The following DOCK4 variants were observed in gnomAD, a reference collection of about 807,000 sequenced individuals.
The protein encoded by DOCK4 is dedicator of cytokinesis protein 4.
In DOCK4, 97 loss-of-function variants were observed where a neutral mutation model predicts 268.1. That is an observed-to-expected ratio of 0.36 (90% CI 0.31 to 0.43). The LOEUF is 0.43. Among genes scored for constraint, DOCK4 ranks in the 20% least tolerant of loss-of-function variants. DOCK4 has a pLI of 1.00. For synonymous variants in DOCK4, 954 were observed against 887.2 expected (o/e 1.08, Z -1.34); for missense variants, 2,145 against 2,455.7 (o/e 0.87, Z 2.67).
At position 111,832,960 on chromosome 7, in the gene DOCK4, T is replaced by C. The variant is rs1302893041; in HGVS notation, c.2835+1628A>G. Among the ~76,000 whole-genome samples, 10 of 152,374 alleles carry C rather than the reference T, an allele frequency of 6.6e-5. No individual in the cohort carries two copies. In the South Asian group the frequency reaches 1.2e-3, roughly 19 times the overall value. ...TACTGCTAACATGAATACCAAAGCA[T>C]AAAACTCAACACCTGGATAATTAGT... On this transcript the variant is annotated intron_variant, in intron 26 of 52. Coordinates refer to ENST00000428084, the MANE Select transcript of DOCK4 (RefSeq NM_001363540.2).
At chr7:112,015,634 A>G (rs1801749430) in intron 1 of DOCK4, among the ~76,000 whole-genome samples, 1 of 152,226 alleles carries the variant, frequency 6.6e-6, no homozygotes, top group Admixed American at 6.5e-5. Flanking sequence ...ATTCTTAAAT[A>G]AGCTTCAGCA....
intron 12 of DOCK4, among the ~76,000 whole-genome samples, chr7:111,931,992 T>C (rs1361170564): frequency 6.6e-6 from 1 of 152,198 alleles, no homozygotes; most frequent in Non-Finnish European, 1.5e-5. Context: ...TGTGGTTTGG[T>C]TTAACTGGAA....
intron 1 of DOCK4, among the ~76,000 whole-genome samples, chr7:112,167,750 C>T (rs139362644): frequency 6.6e-6 from 1 of 152,270 alleles, no homozygotes; most frequent in African/African-American, 2.4e-5. Context: ...TTAATCAGTA[C>T]ATGCCTTGAT....
chr7:111,780,256 T>C (rs935133561), intron 35 of DOCK4, among the ~76,000 whole-genome samples: 2 of 151,818 alleles, frequency 1.3e-5, no homozygotes, highest in Non-Finnish European at 2.9e-5. Context: ...AAATGCATCA[T>C]AAATTTTTTT....
chr7:112,160,923 G>GC (rs1049241915), intron 1 of DOCK4, among the ~76,000 whole-genome samples: 1 of 152,100 alleles, frequency 6.6e-6, no homozygotes, highest in Admixed American at 6.6e-5. Context: ...AGGACTCGAG[G>GC]CCCCCCATCA....
At chr7:111,748,708 A>ATGTG (rs1554580489) in intron 42 of DOCK4, among the ~76,000 whole-genome samples, 6 of 786 alleles carry the variant, frequency 7.6e-3, no homozygotes, top group African/African-American at 0.023. Flanking sequence ...ATATATATAC[A>ATGTG]TGTGTGTGTG....
At chr7:112,165,531 T>TGG (rs1817522299) in intron 1 of DOCK4, among the ~76,000 whole-genome samples, 2 of 58,060 alleles carry the variant, frequency 3.4e-5, no homozygotes, top group Admixed American at 1.4e-4. Flanking sequence ...TACGTGTGTG[T>TGG]GTGTGTGTGT....
intron 26 of DOCK4, among the ~76,000 whole-genome samples, chr7:111,833,568 G>GT (rs1803012686): frequency 4.6e-5 from 7 of 151,914 alleles, no homozygotes; most frequent in Admixed American, 4.6e-4. Flanking sequence ...AAGATTCAAT[G>GT]TAAGAATGAA....
At chr7:111,766,681 C>A (rs995102309) in intron 38 of DOCK4, among the ~76,000 whole-genome samples, 1 of 152,128 alleles carries the variant, frequency 6.6e-6, no homozygotes, top group Non-Finnish European at 1.5e-5. Context: ...TACAGATTTG[C>A]AGATTATGGG....
At chr7:112,100,050 T>C (rs1810532108) in intron 1 of DOCK4, among the ~76,000 whole-genome samples, 2 of 152,216 alleles carry the variant, frequency 1.3e-5, no homozygotes, top group South Asian at 4.1e-4. Context: ...CCATGAAATA[T>C]TTTAACAAAA....
intron 27 of DOCK4, among the ~76,000 whole-genome samples, chr7:111,814,290 T>C (rs1470469889): frequency 6.6e-6 from 1 of 152,164 alleles, no homozygotes; most frequent in Non-Finnish European, 1.5e-5. Flanking sequence ...CAACATGGAA[T>C]CTCTGTGGCC....
At chr7:111,990,065 GT>G (rs1263422731) in intron 5 of DOCK4, among the ~76,000 whole-genome samples, 1 of 152,056 alleles carries the variant, frequency 6.6e-6, no homozygotes, top group Non-Finnish European at 1.5e-5. Flanking sequence ...TTTTGTGCTT[GT>G]TTTTTTCATC....
chr7:111,835,304 T>A (rs1803152684), intron 25 of DOCK4, among the ~76,000 whole-genome samples: 1 of 152,202 alleles, frequency 6.6e-6, no homozygotes. Flanking sequence ...TGCCATATGT[T>A]GCATAATGTT....
intron 1 of DOCK4, among the ~76,000 whole-genome samples, chr7:112,081,564 G>A (rs1366805537): frequency 6.6e-6 from 1 of 152,050 alleles, no homozygotes; most frequent in African/African-American, 2.4e-5. Flanking sequence ...GATCCCAGGA[G>A]GAAAGTCACT....
At chr7:111,769,391 T>G in intron 37 of DOCK4, 138 bp downstream of exon 37, 3 of 1,059,712 alleles carry the variant, frequency 2.8e-6, no homozygotes, top group South Asian at 1.6e-5. Flanking sequence ...TTAACAAGCT[T>G]TTGGGTGTTT....
intron 13 of DOCK4, among the ~76,000 whole-genome samples, chr7:111,912,377 T>A (rs1196416628): frequency 6.6e-6 from 1 of 152,208 alleles, no homozygotes; most frequent in African/African-American, 2.4e-5. Flanking sequence ...CTACTTAGTA[T>A]GCTATTCGTC....
chr7:112,152,249 T>C (rs1005067122), intron 1 of DOCK4, among the ~76,000 whole-genome samples: 2 of 152,210 alleles, frequency 1.3e-5, no homozygotes, highest in Non-Finnish European at 2.9e-5. Context: ...AGTATTAGCA[T>C]TCAACTCATC....
At chr7:112,035,326 A>G (rs1803657231) in intron 1 of DOCK4, among the ~76,000 whole-genome samples, 1 of 151,638 alleles carries the variant, frequency 6.6e-6, no homozygotes, top group Non-Finnish European at 1.5e-5. Context: ...CAAAAAGAAA[A>G]AAAATCTAGC....
At chr7:112,163,359 C>T (rs1278628731) in intron 1 of DOCK4, among the ~76,000 whole-genome samples, 1 of 152,014 alleles carries the variant, frequency 6.6e-6, no homozygotes, top group African/African-American at 2.4e-5. Context: ...ATCTTTGTTG[C>T]CTGCATCCTT....
Sources: allele counts gnomAD v4.1 joint callset (sites outside exome capture counted in the v4.1 genomes callset), GRCh38; gene constraint gnomAD v4.1.1; transcripts MANE v1.5; gene names NCBI Gene and HGNC (gene_info 2026-07-23, HGNC 2026-07-21).